The following DOCK1 variants were observed in gnomAD, a reference collection of about 807,000 sequenced individuals.
DOCK1 encodes the protein dedicator of cytokinesis protein 1.
A neutral mutation model predicts 262.7 loss-of-function variants in DOCK1; 138 were observed. The observed-to-expected ratio is 0.53, with a 90% CI of 0.46 to 0.61. The LOEUF (loss-of-function observed/expected upper bound fraction) is 0.61. Ranked by LOEUF, DOCK1 falls within the 20% of genes least tolerant of loss-of-function variation. The pLI is 0.00. For missense variants in DOCK1, 1,908 were observed against 2,370.7 expected, an observed-to-expected ratio of 0.80 and a Z score of 4.05; for synonymous variants, 866 against 867.4, an observed-to-expected ratio of 1.00 and a Z score of 0.03.
intron 1 of DOCK1, among the ~76,000 whole-genome samples, chr10:126,942,186 G>C (rs1452281158): frequency 1.3e-5 from 2 of 152,128 alleles, no homozygotes; most frequent in Non-Finnish European, 2.9e-5. Context: ...ACCACGCCCG[G>C]CTAATTTTTT....
chr10:127,186,203 T>C (rs2056216403), intron 27 of DOCK1, among the ~76,000 whole-genome samples: 1 of 152,174 alleles, frequency 6.6e-6, no homozygotes, highest in Non-Finnish European at 1.5e-5. Flanking sequence ...CACACTGCTA[T>C]GAAGAAATGC....
intron 29 of DOCK1, among the ~76,000 whole-genome samples, chr10:127,315,036 T>G (rs921028324): frequency 6.6e-6 from 1 of 152,032 alleles, no homozygotes; most frequent in Non-Finnish European, 1.5e-5. Context: ...GAAAAGCAAA[T>G]CCGCTCCTCC....
intron 15 of DOCK1, chr10:127,025,384 G>A (rs1033844368): frequency 5.3e-5 from 8 of 152,116 alleles, no homozygotes; most frequent in African/African-American, 1.7e-4. Flanking sequence ...CGCAGCTGTG[G>A]GCAGGTCACC....
Position 127,127,697 on chromosome 10 carries a change from T to G in DOCK1, c.2780T>G (p.Ile927Ser). 6.2e-7 allele frequency: 1 copy of G among 1,612,968 alleles called. No homozygotes were observed. The highest frequency in any genetic ancestry group is 8.5e-7 in the Non-Finnish European group (1 of 1,179,088). The change falls in exon 27 of 52, where the codon ATC becomes AGC. Residue 927 changes from isoleucine (I) to serine (S), a missense_variant. By Grantham distance (142) the Ile-to-Ser change is moderately radical. Transcript: ENST00000623213. ...VGPTQRHVQI[I>S]MEKLLRTVNR... Reference sequence around the variant, plus strand: ...CCAACCCAGAGGCACGTCCAGATTATCATGGAGAAACTTCTCCGGACCGTG... The same window carrying G: ...CCAACCCAGAGGCACGTCCAGATTAGCATGGAGAAACTTCTCCGGACCGTG...
At chr10:127,220,476 A>T (rs2134431337) in intron 27 of DOCK1, among the ~76,000 whole-genome samples, 2 of 152,264 alleles carry the variant, frequency 1.3e-5, no homozygotes, top group East Asian at 3.9e-4. Flanking sequence ...GTAAAAAAAA[A>T]ACTTAAGTCT....
Position 127,194,061 on chromosome 10 carries a change from T to G in DOCK1, c.2848-53947T>G, listed in dbSNP as rs533887502. On this transcript the variant is annotated intron_variant, in intron 27 of 51. Transcript: ENST00000623213. ...CAACTGTAATAAGTTTAAAGACATA[T>G]GTAGCTTTTCAAGGACATCTTGTCT... 3.9e-5 allele frequency among the ~76,000 whole-genome samples: 6 copies of G among 152,356 alleles called. No individual in the cohort carries two copies. In the South Asian group the frequency reaches 1.2e-3, roughly 32 times the overall value.
chr10:127,161,631 C>T (rs1311256061), intron 27 of DOCK1, among the ~76,000 whole-genome samples: 2 of 152,306 alleles, frequency 1.3e-5, no homozygotes, highest in African/African-American at 4.8e-5. Flanking sequence ...GTTGACACCT[C>T]TCCAGCTGCC....
At chr10:127,126,217 C>A (rs1344686580) in intron 26 of DOCK1, among the ~76,000 whole-genome samples, 1 of 152,030 alleles carries the variant, frequency 6.6e-6, no homozygotes, top group Non-Finnish European at 1.5e-5. Context: ...GCCTCAGCTT[C>A]CCAAGTAGCT....
intron 31 of DOCK1, among the ~76,000 whole-genome samples, chr10:127,347,045 T>C (rs2063665105): frequency 6.6e-6 from 1 of 152,238 alleles, no homozygotes; most frequent in Non-Finnish European, 1.5e-5. Context: ...CTATTTGTTG[T>C]AGTCTTCATG....
chr10:127,005,843 G>A (rs1419398254), intron 10 of DOCK1, among the ~76,000 whole-genome samples: 1 of 151,908 alleles, frequency 6.6e-6, no homozygotes, highest in African/African-American at 2.4e-5. Flanking sequence ...TGTCTTTTTA[G>A]TCCCTTTTTT....
chr10:127,432,400 T>C (rs2069357420), intron 47 of DOCK1, among the ~76,000 whole-genome samples: 1 of 151,698 alleles, frequency 6.6e-6, no homozygotes, highest in Non-Finnish European at 1.5e-5. Context: ...CTGTAGTTGA[T>C]TGGCTGAATG....
At chr10:127,363,004 C>CACAT (rs1177212036) in intron 33 of DOCK1, among the ~76,000 whole-genome samples, 16 of 52,588 alleles carry the variant, frequency 3.0e-4, no homozygotes, top group East Asian at 1.2e-3. Flanking sequence ...CACACACACA[C>CACAT]GCACATCCCC....
chr10:127,082,968 C>T (rs916901672), intron 23 of DOCK1, among the ~76,000 whole-genome samples: 5 of 152,196 alleles, frequency 3.3e-5, no homozygotes, highest in Admixed American at 3.3e-4. Flanking sequence ...TCCTGTCTTC[C>T]AGGACATCTG....
chr10:127,238,142 C>T (rs1040211534), intron 27 of DOCK1, among the ~76,000 whole-genome samples: 1 of 152,110 alleles, frequency 6.6e-6, no homozygotes, highest in African/African-American at 2.4e-5. Context: ...CAATGATTCC[C>T]GAATAGAATG....
At position 127,325,554 on chromosome 10, in the gene DOCK1, C is replaced by G. The variant is rs865810379; in HGVS notation, c.3045-13452C>G. ...GGATTTCATCTCTGGGTGTTTATTC[C>G]TGGAGTCCCTGCTTTAACCACCATA... On this transcript the variant is annotated intron_variant, in intron 29 of 51. Transcript: ENST00000623213. Among the ~76,000 whole-genome samples the G allele has an allele frequency of 3.9e-5, 6 of 152,186 alleles. No homozygotes were observed. In the South Asian group the frequency reaches 1.2e-3, roughly 32 times the overall value.
chr10:127,107,760 C>T (rs1405970426), intron 24 of DOCK1, among the ~76,000 whole-genome samples: 1 of 152,230 alleles, frequency 6.6e-6, no homozygotes, highest in Non-Finnish European at 1.5e-5. Flanking sequence ...TTCCAGGGCT[C>T]TCTCATATTT....
intron 25 of DOCK1, among the ~76,000 whole-genome samples, chr10:127,113,253 T>A (rs188082036): frequency 2.1e-4 from 32 of 152,308 alleles, no homozygotes; most frequent in Non-Finnish European, 3.8e-4. Context: ...ATAACTGGAT[T>A]TAGCTGCATG....
At chr10:127,124,559 C>CTA (rs2049823036) in intron 25 of DOCK1, among the ~76,000 whole-genome samples, 1 of 152,216 alleles carries the variant, frequency 6.6e-6, no homozygotes, top group South Asian at 2.1e-4. Flanking sequence ...CATCCTTCCT[C>CTA]TGCTCTTATT....
At chr10:126,943,569 A>G (rs1465505512) in intron 1 of DOCK1, among the ~76,000 whole-genome samples, 1 of 152,228 alleles carries the variant, frequency 6.6e-6, no homozygotes, top group Non-Finnish European at 1.5e-5. Flanking sequence ...TCATGCATTC[A>G]GTAAATATTT....
Sources: allele counts gnomAD v4.1 joint callset (sites outside exome capture counted in the v4.1 genomes callset), GRCh38; gene constraint gnomAD v4.1.1; transcripts MANE v1.5; gene names NCBI Gene and HGNC (gene_info 2026-07-23, HGNC 2026-07-21).